The following GRAMD2A variants were observed in gnomAD, a reference collection of about 807,000 sequenced individuals.
GRAMD2A encodes GRAM domain-containing protein 2A.
In GRAMD2A, 37 loss-of-function variants were observed where a neutral mutation model predicts 51.1. The observed-to-expected ratio is 0.72, with a 90% CI of 0.56 to 0.95. The LOEUF (loss-of-function observed/expected upper bound fraction) is 0.95, where lower values mean the gene tolerates loss of function less well. Among genes scored for constraint, GRAMD2A ranks in the 40% least tolerant of loss-of-function variants. The pLI is 0.00. For synonymous variants in GRAMD2A, 136 were observed against 157.1 expected (o/e 0.87, Z 1.01); for missense variants, 414 against 426.9 (o/e 0.97, Z 0.27).
chr15:72,178,568 C>CTTTTTTTTTTTTTTTTTTTTTTT (rs537075334), intron 1 of GRAMD2A, among the ~76,000 whole-genome samples: 1 of 84,200 alleles, frequency 1.2e-5, no homozygotes, highest in Non-Finnish European at 2.2e-5. Flanking sequence ...CTTGCACTTT[C>CTTTTTTTTTTTTTTTTTTTTTTT]TTTTTTTTTT....
chr15:72,191,499 AGCTG>A (rs975364167), intron 1 of GRAMD2A, among the ~76,000 whole-genome samples: 1 of 152,212 alleles, frequency 6.6e-6, no homozygotes, highest in Non-Finnish European at 1.5e-5. Context: ...CACCGTGCCC[AGCTG>A]GGAACACATC....
chr15:72,176,372 G>T (rs2081652867), intron 1 of GRAMD2A, among the ~76,000 whole-genome samples: 1 of 152,174 alleles, frequency 6.6e-6, no homozygotes, highest in African/African-American at 2.4e-5. Context: ...TGGTCCCCTT[G>T]GGCATCTCCT....
intron 1 of GRAMD2A, 127 bp downstream of exon 1, chr15:72,197,604 G>T: frequency 1.4e-6 from 1 of 727,040 alleles, no homozygotes; most frequent in African/African-American, 1.9e-5. Context: ...GCCGGGAAGT[G>T]CCTGCCCCGT....
At chr15:72,178,568 C>T (rs202061010) in intron 1 of GRAMD2A, among the ~76,000 whole-genome samples, 62 of 84,196 alleles carry the variant, frequency 7.4e-4, no homozygotes, top group African/African-American at 2.4e-3. Flanking sequence ...CTTGCACTTT[C>T]TTTTTTTTTT....
At chr15:72,180,475 G>A (rs890765356) in intron 1 of GRAMD2A, among the ~76,000 whole-genome samples, 13 of 152,244 alleles carry the variant, frequency 8.5e-5, no homozygotes, top group Admixed American at 7.8e-4. Context: ...AAGTGAGGGG[G>A]CCTGCAGACA....
Position 72,166,678 on chromosome 15 carries a change from C to T in GRAMD2A, c.497G>A (p.Arg166Gln), listed in dbSNP as rs568206347. 1.5e-5 allele frequency: 24 copies of T among 1,613,638 alleles called. No homozygotes were observed. The highest frequency in any genetic ancestry group is 1.9e-5 in the Non-Finnish European group (23 of 1,179,858). The stretch of plus-strand genomic sequence containing the variant: ...CCTCAGCAGGTCATATACACTGTCC[C>T]GGGAGAGCAGTGACACAAAGATATA... ...QKYIFVSLLS[R>Q]DSVYDLLRRV... Residue 166 changes from arginine to glutamine, a missense_variant, in exon 7 of 12, where the codon CGG (arginine) becomes CAG (glutamine). Coordinates refer to ENST00000309731, the MANE Select transcript of GRAMD2A (RefSeq NM_001012642.3). The surrounding 1 kb of genome is among the most constrained non-coding windows in gnomAD (Gnocchi z 4.1).
intron 2 of GRAMD2A, 37 bp downstream of exon 2, chr15:72,169,810 G>A: frequency 6.6e-7 from 1 of 1,523,634 alleles, no homozygotes; most frequent in Non-Finnish European, 9.1e-7. Flanking sequence ...CCACCCTCTA[G>A]TCTGTGTGTA....
intron 3 of GRAMD2A, 31 bp downstream of exon 3, chr15:72,168,893 GGACCCCTTCCTGGGT>G: frequency 6.4e-6 from 10 of 1,572,508 alleles, no homozygotes; most frequent in African/African-American, 1.3e-5. Flanking sequence ...TGGCAGCCCA[GGACCCCTTCCTGGGT>G]GAATAGTGAG....
At chr15:72,172,811 C>T (rs187098320) in intron 1 of GRAMD2A, among the ~76,000 whole-genome samples, 94 of 152,242 alleles carry the variant, frequency 6.2e-4, no homozygotes, top group African/African-American at 2.2e-3. Context: ...TCTCTTTTGT[C>T]TGTGGTATTT....
At chr15:72,169,511 C>T in intron 2 of GRAMD2A, 1 of 546,748 alleles carries the variant, frequency 1.8e-6, no homozygotes, top group Non-Finnish European at 3.5e-6. Flanking sequence ...GGGAGCTTGG[C>T]ACAGACTCAC....
intron 1 of GRAMD2A, among the ~76,000 whole-genome samples, chr15:72,181,587 T>C (rs12898585): frequency 0.24 from 36,062 of 152,182 alleles, 4,493 homozygotes; most frequent in East Asian, 0.44. Flanking sequence ...ATTTGGAATA[T>C]GTATTTCCAA....
intron 1 of GRAMD2A, among the ~76,000 whole-genome samples, chr15:72,177,143 T>G (rs2081659832): frequency 1.3e-5 from 2 of 151,030 alleles, no homozygotes; most frequent in African/African-American, 4.9e-5. Context: ...ATTACAGGCA[T>G]GAGCCACTGT....
chr15:72,180,469 G>T (rs2081688558), intron 1 of GRAMD2A, among the ~76,000 whole-genome samples: 1 of 152,250 alleles, frequency 6.6e-6, no homozygotes, highest in African/African-American at 2.4e-5. Flanking sequence ...CCTGCTAAGT[G>T]AGGGGGCCTG....
chr15:72,185,911 A>G (rs994609217), intron 1 of GRAMD2A, among the ~76,000 whole-genome samples: 2 of 152,266 alleles, frequency 1.3e-5, no homozygotes, highest in Non-Finnish European at 2.9e-5. Flanking sequence ...ATAAATAGCT[A>G]GAATAAAAGA....
intron 3 of GRAMD2A, 43 bp from the exon 4 acceptor site, chr15:72,168,609 G>A: frequency 1.3e-6 from 2 of 1,530,484 alleles, no homozygotes; most frequent in South Asian, 1.1e-5. Flanking sequence ...TGGGAGATGA[G>A]ACCGCCAAAG....
intron 1 of GRAMD2A, among the ~76,000 whole-genome samples, chr15:72,180,424 G>A (rs1054693172): frequency 5.3e-5 from 8 of 152,222 alleles, no homozygotes; most frequent in African/African-American, 9.7e-5. Context: ...GGAACAGAGC[G>A]CCCCTGTGCT....
At chr15:72,193,140 T>C (rs1382904427) in intron 1 of GRAMD2A, among the ~76,000 whole-genome samples, 2 of 151,038 alleles carry the variant, frequency 1.3e-5, no homozygotes, top group Non-Finnish European at 2.9e-5. Context: ...AATAAATAAA[T>C]AAATAGATAA....
intron 1 of GRAMD2A, among the ~76,000 whole-genome samples, chr15:72,185,201 T>G (rs1017188484): frequency 1.3e-4 from 20 of 151,480 alleles, no homozygotes; most frequent in South Asian, 4.2e-4. Context: ...TTTTTTTTTT[T>G]TTTTTTTTTT....
intron 1 of GRAMD2A, among the ~76,000 whole-genome samples, chr15:72,194,626 G>A (rs1165235594): frequency 1.3e-5 from 2 of 151,990 alleles, no homozygotes; most frequent in Admixed American, 6.6e-5. Flanking sequence ...CTATGATGAC[G>A]CTTTAGCTGG....
Sources: gnomAD v4.1 joint callset for allele counts (sites outside exome capture counted in the v4.1 genomes callset) on GRCh38, gnomAD v4.1.1 for gene constraint, Gnocchi (gnomAD v3.1) non-coding constraint, MANE v1.5 for transcripts, NCBI Gene and HGNC (gene_info 2026-07-23, HGNC 2026-07-21) for gene names.